GSDME: variants seen among roughly 807,000 people sequenced by gnomAD.
The protein encoded by GSDME is gasdermin-E.
Under a neutral mutation model 47.5 loss-of-function variants are expected in GSDME, and 44 were observed. The observed-to-expected ratio is 0.93, with a 90% CI of 0.73 to 1.19. The LOEUF (loss-of-function observed/expected upper bound fraction) is 1.19. GSDME is among the 50% of genes most tolerant of loss of function. GSDME has a pLI of 0.00. For missense variants in GSDME, 663 were observed against 604.2 expected, an observed-to-expected ratio of 1.10 and a Z score of -1.02; for synonymous variants, 258 against 252.8, an observed-to-expected ratio of 1.02 and a Z score of -0.20.
intron 3 of GSDME, among the ~76,000 whole-genome samples, chr7:24,738,412 A>G (rs1790378521): frequency 6.6e-6 from 1 of 152,174 alleles, no homozygotes; most frequent in East Asian, 1.9e-4. Context: ...CAAACTAACC[A>G]AAGAAGTGAA....
Position 24,719,200 on chromosome 7 carries a change from G to C in GSDME, c.423C>G (p.Asn141Lys). ...CTTCCAGCACCTGCTGGAGCACAGG[G>C]TTTCTCAGATTTATTGTTCTGAAAA... The part of the protein sequence containing the change: ...DSAERTINLR[N>K]PVLQQVLEGR... Residue 141 changes from asparagine to lysine, a missense_variant, in exon 4 of 10, where the codon AAC becomes AAG. Transcript: ENST00000645220. 1 of 1,612,302 alleles carries C rather than the reference G, an allele frequency of 6.2e-7. No homozygotes were observed. The highest frequency in any genetic ancestry group is 8.5e-7 in the Non-Finnish European group (1 of 1,179,994).
chr7:24,775,960 G>A, the GSDME span, among the ~76,000 whole-genome samples: 1 of 149,276 alleles, frequency 6.7e-6, no homozygotes, highest in Non-Finnish European at 1.5e-5. Context: ...TGGGCTGATT[G>A]CCTGAGGTCA....
In GSDME at chr7:24,711,759, G is replaced by A. The variant is rs1229269238; in HGVS notation, c.698-1371C>T. On this transcript the variant is annotated intron_variant, in intron 5 of 9. Transcript: ENST00000645220. ...AAGCCCTGGAGGCGGAGGTTGCAGT[G>A]AGCCAAGATCGCACCACTGCACTCC... Among the ~76,000 whole-genome samples the A allele has an allele frequency of 2.7e-5, 4 of 147,528 alleles. No homozygotes were observed. In the East Asian group the frequency reaches 8.2e-4, roughly 30 times the overall value.
At chr7:24,762,249 C>CGAA (rs1791177878), upstream of GSDME, among the ~76,000 whole-genome samples, 1 of 131,414 alleles carries the variant, frequency 7.6e-6, no homozygotes, top group African/African-American at 2.9e-5. Context: ...AACTGTGTGT[C>CGAA]AAAAAAAAAA....
chr7:24,757,240 T>G lies in GSDME; in HGVS notation c.-20+156A>C, dbSNP rs1165566811. Among the ~76,000 whole-genome samples the G allele has an allele frequency of 6.6e-6, 1 of 151,744 alleles. No individual in the cohort carries two copies. The highest frequency in any genetic ancestry group is 2.0e-4 in the East Asian group (1 of 5,060). Reference sequence around the variant, plus strand: ...TTCCGGCGGCCGGGCAGCCAATCGATTCGTCTCCCCTAGGAAGGAGCGAGG... The same window carrying G: ...TTCCGGCGGCCGGGCAGCCAATCGAGTCGTCTCCCCTAGGAAGGAGCGAGG... On this transcript the variant is annotated intron_variant, in intron 1 of 9. Coordinates refer to ENST00000645220, the MANE Select transcript of GSDME (RefSeq NM_001127453.2). This position sits in a 1 kb window ranked among gnomAD's most constrained non-coding sequence, Gnocchi z 5.9.
the GSDME span, among the ~76,000 whole-genome samples, chr7:24,787,167 T>C: frequency 3.6e-4 from 55 of 152,262 alleles, no homozygotes; most frequent in African/African-American, 1.2e-3. This position sits in a 1 kb window ranked among gnomAD's most constrained non-coding sequence, Gnocchi z 5.0. Context: ...GTGACCTAAG[T>C]TGGGCAGCAG....
the GSDME span, among the ~76,000 whole-genome samples, chr7:24,768,271 C>A: frequency 6.6e-6 from 1 of 152,158 alleles, no homozygotes; most frequent in Non-Finnish European, 1.5e-5. The surrounding 1 kb of genome is among the most constrained non-coding windows in gnomAD (Gnocchi z 5.6). Flanking sequence ...CGGAGAAACA[C>A]CTGCTGGGCT....
rs1279175950 is a variant in GSDME at position 24,710,285 on chromosome 7, G to A, written c.801C>T (p.Asp267=). The change falls in exon 6 of 10, where the codon GAC becomes GAT. Residue 267 remains aspartate, a synonymous_variant. Transcript: ENST00000645220. ...PLVFREFAFI[D]MPDAAHGISS... ...ATATCCCATGCGCAGCATCTGGCAT[G>A]TCTATGAATGCAAACTCTCGAAAGA... is the stretch of plus-strand genomic sequence containing the variant. 6.2e-7 allele frequency: 1 copy of A among 1,614,220 alleles called. No homozygotes were observed. Among genetic ancestry groups the A allele is most frequent in the Non-Finnish European group, 8.5e-7 (1 of 1,180,032 alleles).
At chr7:24,737,946 A>G (rs1177349484) in intron 3 of GSDME, among the ~76,000 whole-genome samples, 4 of 152,036 alleles carry the variant, frequency 2.6e-5, no homozygotes, top group African/African-American at 9.7e-5. Flanking sequence ...TCCCTTCAAG[A>G]TAAAAAACTG....
At position 24,756,189 on chromosome 7, in the gene GSDME, T is replaced by C. The variant is rs534381371; in HGVS notation, c.-20+1207A>G. On this transcript the variant is annotated intron_variant, in intron 1 of 9. Coordinates refer to ENST00000645220, the MANE Select transcript of GSDME (RefSeq NM_001127453.2). This position sits in a 1 kb window ranked among gnomAD's most constrained non-coding sequence, Gnocchi z 4.2. Reference sequence around the variant, plus strand: ...AAAGGCTTTGGGGAAGTGGAGTGGGTAACAGAGGGCAGTCTGGGTAAGAAT... The same window carrying C: ...AAAGGCTTTGGGGAAGTGGAGTGGGCAACAGAGGGCAGTCTGGGTAAGAAT... Among the ~76,000 whole-genome samples the C allele has an allele frequency of 2.6e-5, 4 of 152,180 alleles. No individual in the cohort carries two copies. The South Asian group carries it at 8.3e-4, about 32-fold the overall frequency.
the GSDME span, among the ~76,000 whole-genome samples, chr7:24,795,384 G>GAC: frequency 3.3e-5 from 5 of 152,174 alleles, no homozygotes; most frequent in Non-Finnish European, 5.9e-5. Flanking sequence ...AAACCCCTCA[G>GAC]ACACCGAGTT....
intron 3 of GSDME, among the ~76,000 whole-genome samples, chr7:24,723,430 A>C (rs545433923): frequency 6.6e-6 from 1 of 152,342 alleles, no homozygotes; most frequent in South Asian, 2.1e-4. Flanking sequence ...ATCACCATGC[A>C]ACAGGGCTCC....
chr7:24,752,828 G>A (rs1390180326), intron 1 of GSDME, among the ~76,000 whole-genome samples: 1 of 152,184 alleles, frequency 6.6e-6, no homozygotes, highest in Non-Finnish European at 1.5e-5. Flanking sequence ...TCACGCACTT[G>A]CCTTCAGATC....
chr7:24,744,626 A>G lies in GSDME; in HGVS notation c.340T>C (p.Ser114Pro). 6.2e-7 allele frequency: 1 copy of G among 1,614,160 alleles called. No homozygotes were observed. Among genetic ancestry groups the G allele is most frequent in the Non-Finnish European group, 8.5e-7 (1 of 1,180,024 alleles). Reference sequence around the variant, plus strand: ...TCCTGCTTCCTCAGGGTTCCAAATGAAGACTGGCTCTCTACGCGGCTGCTG... The same window carrying G: ...TCCTGCTTCCTCAGGGTTCCAAATGGAGACTGGCTCTCTACGCGGCTGCTG... ...GGSSRVESQS[S>P]FGTLRKQEVD... The change falls in exon 3 of 10, where the codon TCA (serine) becomes CCA (proline). Residue 114 changes from serine to proline, a missense_variant. Physicochemically the swap from Ser to Pro is moderately conservative, Grantham distance 74. Transcript: ENST00000645220. The surrounding 1 kb of genome is among the most constrained non-coding windows in gnomAD (Gnocchi z 4.5).
upstream of GSDME, among the ~76,000 whole-genome samples, chr7:24,762,659 G>A (rs147411916): frequency 1.3e-5 from 2 of 152,240 alleles, no homozygotes; most frequent in Admixed American, 1.3e-4. Flanking sequence ...TGTGGGCTTT[G>A]TAGTATAGCG....
chr7:24,707,358 C>T, intron 7 of GSDME: 1 of 471,380 alleles, frequency 2.1e-6, no homozygotes, highest in South Asian at 1.5e-5. Flanking sequence ...GGGTTGGCAG[C>T]TTGTGTGGCT....
At chr7:24,776,680 C>A in the GSDME span, among the ~76,000 whole-genome samples, 1 of 152,288 alleles carries the variant, frequency 6.6e-6, no homozygotes, top group Admixed American at 6.5e-5. Context: ...TTCTATTAAG[C>A]AAATGAGCCT....
chr7:24,793,328 G>A, the GSDME span, among the ~76,000 whole-genome samples: 1 of 152,148 alleles, frequency 6.6e-6, no homozygotes, highest in Non-Finnish European at 1.5e-5. Context: ...CCAGTTCACA[G>A]AAAAACTGGA....
chr7:24,788,376 G>T, the GSDME span, among the ~76,000 whole-genome samples: 4 of 147,304 alleles, frequency 2.7e-5, no homozygotes, highest in African/African-American at 1.0e-4. The surrounding 1 kb of genome is among the most constrained non-coding windows in gnomAD (Gnocchi z 4.6). Context: ...TACAGCTGTA[G>T]CTCCCGATGG....
Sources: gnomAD v4.1 joint callset for allele counts (sites outside exome capture counted in the v4.1 genomes callset) on GRCh38, gnomAD v4.1.1 for gene constraint, Gnocchi (gnomAD v3.1) non-coding constraint, MANE v1.5 for transcripts, NCBI Gene and HGNC (gene_info 2026-07-23, HGNC 2026-07-21) for gene names.